Variants in RBFOX3 observed in about 807,000 individuals in gnomAD.
The protein encoded by RBFOX3 is RNA binding protein fox-1 homolog 3.
A neutral mutation model predicts 48.7 loss-of-function variants in RBFOX3; 17 were observed. The ratio of observed to expected loss-of-function variants is 0.35; its 90% confidence interval spans 0.24 to 0.52. The LOEUF is 0.52. Among genes scored for constraint, RBFOX3 ranks in the 20% least tolerant of loss-of-function variants. The pLI is 0.94. For missense variants in RBFOX3, 382 were observed against 497.5 expected, an observed-to-expected ratio of 0.77 and a Z score of 2.21; for synonymous variants, 212 against 209.5, an observed-to-expected ratio of 1.01 and a Z score of -0.10.
intron 1 of RBFOX3, among the ~76,000 whole-genome samples, chr17:79,586,828 G>A (rs1257678861): frequency 6.6e-6 from 1 of 152,146 alleles, no homozygotes; most frequent in African/African-American, 2.4e-5. Flanking sequence ...TCCTCTGATG[G>A]CAGCCAGGGC....
chr17:79,627,584 G>A, the RBFOX3 span, among the ~76,000 whole-genome samples: 2 of 152,164 alleles, frequency 1.3e-5, no homozygotes, highest in African/African-American at 2.4e-5. Context: ...CAAAGAATAA[G>A]AGCCCGCGCC....
chr17:79,517,258 C>T (rs1009187227), intron 1 of RBFOX3, among the ~76,000 whole-genome samples: 53 of 151,780 alleles, frequency 3.5e-4, no homozygotes, highest in Admixed American at 1.2e-3. Flanking sequence ...CCAGCCTGAC[C>T]GACATGGTAA....
At chr17:79,516,201 T>C (rs1478454689) in intron 1 of RBFOX3, 1 of 152,156 alleles carries the variant, frequency 6.6e-6, no homozygotes, top group Non-Finnish European at 1.5e-5. Flanking sequence ...CGAAGAAAAA[T>C]GAACCATTTC....
chr17:79,350,939 C>T (rs1361005223), intron 2 of RBFOX3, among the ~76,000 whole-genome samples: 1 of 152,206 alleles, frequency 6.6e-6, no homozygotes, highest in East Asian at 1.9e-4. Context: ...CCTGGCATCC[C>T]CTGGTAACCT....
the RBFOX3 span, among the ~76,000 whole-genome samples, chr17:79,642,810 A>G: frequency 1.3e-5 from 2 of 152,240 alleles, no homozygotes; most frequent in African/African-American, 2.4e-5. Context: ...AGCCATATCA[A>G]TAAGTACGCA....
At chr17:79,129,478 C>A (rs1445176626) in intron 4 of RBFOX3, among the ~76,000 whole-genome samples, 4 of 103,758 alleles carry the variant, frequency 3.9e-5, no homozygotes, top group African/African-American at 1.3e-4. Flanking sequence ...CTCTCTCCTT[C>A]CCCCAAGCCC....
chr17:79,400,147 G>A (rs1208437900), intron 2 of RBFOX3, among the ~76,000 whole-genome samples: 2 of 152,104 alleles, frequency 1.3e-5, no homozygotes, highest in East Asian at 3.9e-4. Context: ...AATGCACCAC[G>A]GGGCTCTGGA....
At chr17:79,607,881 G>A (rs959172709) in intron 1 of RBFOX3, among the ~76,000 whole-genome samples, 22 of 152,182 alleles carry the variant, frequency 1.4e-4, no homozygotes, top group Admixed American at 2.6e-4. Context: ...TCACCGATGC[G>A]CCATCAGCCA....
intron 1 of RBFOX3, among the ~76,000 whole-genome samples, chr17:79,543,865 C>T (rs1555791081): frequency 6.7e-6 from 1 of 150,012 alleles, no homozygotes; most frequent in African/African-American, 2.5e-5. Context: ...GGGTGGGATG[C>T]AGGGTGGGCC....
chr17:79,349,388 G>A (rs774824931), intron 2 of RBFOX3, among the ~76,000 whole-genome samples: 1 of 151,914 alleles, frequency 6.6e-6, no homozygotes, highest in Non-Finnish European at 1.5e-5. Context: ...TGCCTCCCGG[G>A]GGCCACTGCT....
chr17:79,398,181 C>T (rs886382477), intron 2 of RBFOX3, among the ~76,000 whole-genome samples: 2 of 152,102 alleles, frequency 1.3e-5, no homozygotes, highest in African/African-American at 4.8e-5. Context: ...TGAGAGCAGT[C>T]CTGATCCTGC....
intron 1 of RBFOX3, among the ~76,000 whole-genome samples, chr17:79,562,331 C>T (rs1426567768): frequency 6.6e-6 from 1 of 152,188 alleles, no homozygotes; most frequent in African/African-American, 2.4e-5. Context: ...CTCTCTCCGC[C>T]GTCCATCTCC....
At chr17:79,525,484 G>T (rs923752719) in intron 1 of RBFOX3, among the ~76,000 whole-genome samples, 60 of 152,234 alleles carry the variant, frequency 3.9e-4, no homozygotes, top group Non-Finnish European at 1.3e-4. Flanking sequence ...CCCTGGAAAT[G>T]CTTCCCAGTC....
intron 4 of RBFOX3, among the ~76,000 whole-genome samples, chr17:79,129,655 C>T (rs2038294838): frequency 6.6e-6 from 1 of 152,232 alleles, no homozygotes; most frequent in Admixed American, 6.5e-5. Context: ...CAGGACCTCC[C>T]CTGCCCCAAT....
At chr17:79,468,821 A>AGGAT (rs201335709) in intron 2 of RBFOX3, among the ~76,000 whole-genome samples, 42,914 of 146,462 alleles carry the variant, frequency 0.29, 6,966 homozygotes, top group Admixed American at 0.39. Flanking sequence ...GACAGGCAGG[A>AGGAT]GGATGGATGG....
chr17:79,321,674 G>T (rs1205329862), intron 2 of RBFOX3, among the ~76,000 whole-genome samples: 1 of 150,520 alleles, frequency 6.6e-6, no homozygotes, highest in Non-Finnish European at 1.5e-5. Context: ...CCAAAGAGCT[G>T]GAATTGCGAG....
chr17:79,304,884 C>T (rs2075883136), intron 3 of RBFOX3, among the ~76,000 whole-genome samples: 1 of 152,190 alleles, frequency 6.6e-6, no homozygotes, highest in South Asian at 2.1e-4. Context: ...GAGGCAGAGT[C>T]TTGCTTACAC....
chr17:79,164,987 A>G (rs1437710001), intron 4 of RBFOX3, among the ~76,000 whole-genome samples: 2 of 152,218 alleles, frequency 1.3e-5, no homozygotes, highest in African/African-American at 4.8e-5. Context: ...TCTGCTAAGG[A>G]AAGACCAGAC....
rs564541078 is a variant in RBFOX3, at chr17:79,392,890, C to T, written c.-174-85066G>A. On this transcript the variant is annotated intron_variant, in intron 2 of 14. Coordinates refer to ENST00000693108, the MANE Select transcript of RBFOX3 (RefSeq NM_001350451.2). This position sits in a 1 kb window ranked among gnomAD's most constrained non-coding sequence, Gnocchi z 5.0. The stretch of plus-strand genomic sequence containing the variant: ...CTTCTCTGAGGAGAAAGGATTCCTT[C>T]TCATTTATCCTGACATGTACTTACT... Among the ~76,000 whole-genome samples the T allele has an allele frequency of 6.6e-6, 1 of 152,336 alleles. No homozygotes were observed. Among genetic ancestry groups the T allele is most frequent in the Non-Finnish European group, 1.5e-5 (1 of 68,028 alleles).
Sources: allele counts gnomAD v4.1 joint callset (sites outside exome capture counted in the v4.1 genomes callset), GRCh38; gene constraint gnomAD v4.1.1; non-coding constraint Gnocchi (gnomAD v3.1); transcripts MANE v1.5; gene names NCBI Gene and HGNC (gene_info 2026-07-23, HGNC 2026-07-21).